The following KAZN variants were observed in gnomAD, a reference collection of about 807,000 sequenced individuals.
KAZN encodes kazrin, periplakin interacting protein.
Under a neutral mutation model 87.4 loss-of-function variants are expected in KAZN, and 40 were observed. That is an observed-to-expected ratio of 0.46 (90% CI 0.36 to 0.60). The LOEUF (loss-of-function observed/expected upper bound fraction) is 0.60. KAZN is among the 20% of genes least tolerant of loss of function. KAZN has a pLI of 0.00. For missense variants in KAZN, 898 were observed against 1,073.9 expected (o/e 0.84, Z 2.29); for synonymous variants, 466 against 458.3 (o/e 1.02, Z -0.22).
intron 1 of KAZN, among the ~76,000 whole-genome samples, chr1:14,878,421 C>T (rs1317212080): frequency 1.3e-5 from 2 of 151,986 alleles, no homozygotes; most frequent in African/African-American, 4.8e-5. Context: ...CCATATGTCT[C>T]AACTGGGTAC....
At chr1:14,077,875 G>T (rs1643521983) in intron 1 of KAZN, among the ~76,000 whole-genome samples, 1 of 152,136 alleles carries the variant, frequency 6.6e-6, no homozygotes, top group Non-Finnish European at 1.5e-5. Flanking sequence ...TTGGAGTGAT[G>T]CATCTCCAAG....
chr1:14,911,496 T>A (rs1328901649), intron 1 of KAZN, among the ~76,000 whole-genome samples: 1 of 152,194 alleles, frequency 6.6e-6, no homozygotes, highest in Non-Finnish European at 1.5e-5. Flanking sequence ...CATCCTGCAT[T>A]TCCGAGTGGG....
intron 10 of KAZN, among the ~76,000 whole-genome samples, chr1:15,098,359 C>A (rs1640888762): frequency 6.6e-6 from 1 of 152,210 alleles, no homozygotes; most frequent in Non-Finnish European, 1.5e-5. Flanking sequence ...AAGCTGCGGC[C>A]CCATGGGGAC....
intron 2 of KAZN, among the ~76,000 whole-genome samples, chr1:14,353,325 T>C (rs1004363114): frequency 6.5e-5 from 7 of 108,292 alleles, no homozygotes; most frequent in Non-Finnish European, 1.3e-4. Flanking sequence ...CCCAGGGTCA[T>C]GCCATTCTCC....
At chr1:14,285,399 T>G (rs1481128105) in intron 2 of KAZN, among the ~76,000 whole-genome samples, 1 of 152,224 alleles carries the variant, frequency 6.6e-6, no homozygotes, top group African/African-American at 2.4e-5. Flanking sequence ...CAAAACTGTC[T>G]TCCTAACATC....
At position 14,923,646 on chromosome 1, in the gene KAZN, C is replaced by T. The variant is rs1018817281; in HGVS notation, c.227-37038C>T. On this transcript the variant is annotated intron_variant, in intron 1 of 14. Coordinates refer to ENST00000376030, the MANE Select transcript of KAZN (RefSeq NM_201628.3). The surrounding 1 kb of genome is among the most constrained non-coding windows in gnomAD (Gnocchi z 4.2). ...ATCTCAGCCCCCTCGCGATCTCCCC[C>T]ACCAGACGGTGGGTGCACTCAGCAT... 6.6e-6 allele frequency among the ~76,000 whole-genome samples: 1 copy of T among 152,232 alleles called. No individual in the cohort carries two copies. The highest frequency in any genetic ancestry group is 2.4e-5 in the African/African-American group (1 of 41,470).
chr1:14,545,747 C>G (rs1159522350), intron 2 of KAZN, among the ~76,000 whole-genome samples: 1 of 152,174 alleles, frequency 6.6e-6, no homozygotes, highest in Non-Finnish European at 1.5e-5. Flanking sequence ...CAAAGTCACT[C>G]AGGAAACTCA....
At chr1:14,518,216 T>C (rs1011286640) in intron 2 of KAZN, among the ~76,000 whole-genome samples, 2 of 140,826 alleles carry the variant, frequency 1.4e-5, no homozygotes, top group African/African-American at 2.7e-5. Context: ...AGTCTCGCTG[T>C]GCCACCCAGG....
chr1:14,564,757 G>A (rs1443937901), intron 2 of KAZN, among the ~76,000 whole-genome samples: 2 of 152,120 alleles, frequency 1.3e-5, no homozygotes, highest in African/African-American at 2.4e-5. Context: ...AGATTGCAGT[G>A]AGCCGAGATC....
chr1:15,008,234 G>C, intron 2 of KAZN, among the ~76,000 whole-genome samples: 1 of 152,182 alleles, frequency 6.6e-6, no homozygotes, highest in East Asian at 1.9e-4. Context: ...GGCCTCGGCT[G>C]TAAGTCTGAA....
chr1:14,581,832 A>C (rs977600697), intron 2 of KAZN, among the ~76,000 whole-genome samples: 7 of 152,142 alleles, frequency 4.6e-5, no homozygotes, highest in African/African-American at 1.7e-4. Flanking sequence ...ATGTCACCTT[A>C]CTGGATAAGT....
intron 1 of KAZN, among the ~76,000 whole-genome samples, chr1:13,981,550 T>G (rs568264934): frequency 1.8e-4 from 27 of 152,236 alleles, no homozygotes; most frequent in African/African-American, 6.5e-4. Flanking sequence ...AGAGTGAACA[T>G]TCTATAGATT....
At chr1:14,139,865 G>C (rs909814767) in intron 1 of KAZN, among the ~76,000 whole-genome samples, 1 of 152,030 alleles carries the variant, frequency 6.6e-6, no homozygotes, top group African/African-American at 2.4e-5. Flanking sequence ...ATAGGCTTTT[G>C]ATAAAGCATG....
intron 2 of KAZN, among the ~76,000 whole-genome samples, chr1:14,437,596 G>A (rs1444492745): frequency 6.6e-6 from 1 of 152,126 alleles, no homozygotes; most frequent in Admixed American, 6.6e-5. Flanking sequence ...AAAAAAGGTG[G>A]GAGCATTGTC....
intron 1 of KAZN, among the ~76,000 whole-genome samples, chr1:14,791,487 G>A (rs566946376): frequency 2.6e-5 from 4 of 152,316 alleles, no homozygotes; most frequent in Non-Finnish European, 4.4e-5. Context: ...AACACGCTGC[G>A]CTTGTTAGAT....
intron 2 of KAZN, among the ~76,000 whole-genome samples, chr1:14,991,913 C>T (rs4661556): frequency 0.033 from 5,059 of 152,332 alleles, 111 homozygotes; most frequent in South Asian, 0.073. Context: ...GTGAATCAAA[C>T]GCAGCAGCTT....
intron 1 of KAZN, among the ~76,000 whole-genome samples, chr1:14,168,863 G>A (rs1335109648): frequency 6.6e-6 from 1 of 152,132 alleles, no homozygotes; most frequent in Non-Finnish European, 1.5e-5. Context: ...GAAATGCAAT[G>A]ATGCATGCAA....
intron 2 of KAZN, among the ~76,000 whole-genome samples, chr1:14,407,085 CTTGCT>C (rs1355826269): frequency 6.6e-6 from 1 of 152,166 alleles, no homozygotes; most frequent in Non-Finnish European, 1.5e-5. Context: ...GCTTCAGAGA[CTTGCT>C]TTGTTCACTC....
intron 1 of KAZN, among the ~76,000 whole-genome samples, chr1:14,614,188 C>G (rs1678036444): frequency 6.6e-6 from 1 of 152,212 alleles, no homozygotes; most frequent in Admixed American, 6.5e-5. Flanking sequence ...TTTATGCCAA[C>G]ACTGGATAAT....
Sources: allele counts gnomAD v4.1 joint callset (sites outside exome capture counted in the v4.1 genomes callset), GRCh38; gene constraint gnomAD v4.1.1; non-coding constraint Gnocchi (gnomAD v3.1); transcripts MANE v1.5; gene names NCBI Gene and HGNC (gene_info 2026-07-23, HGNC 2026-07-21).